The following FRAS1 variants were observed in gnomAD, a reference collection of about 807,000 sequenced individuals.
The protein encoded by FRAS1 is Fraser extracellular matrix complex subunit 1, also known as extracellular matrix organizing protein FRAS1.
FRAS1 carries 290 observed loss-of-function variants against 435.2 expected under a neutral mutation model. The ratio of observed to expected loss-of-function variants is 0.67; its 90% confidence interval spans 0.61 to 0.73. FRAS1 has a LOEUF of 0.73. Among genes scored for constraint, FRAS1 ranks in the 30% least tolerant of loss-of-function variants. The pLI is 0.00. For missense variants in FRAS1, 4,860 were observed against 5,001.5 expected (o/e 0.97, Z 0.85); for synonymous variants, 1,800 against 1,851.0 (o/e 0.97, Z 0.71).
At chr4:78,264,170 G>A (rs1726243014) in intron 6 of FRAS1, among the ~76,000 whole-genome samples, 2 of 152,192 alleles carry the variant, frequency 1.3e-5, no homozygotes, top group South Asian at 2.1e-4. Context: ...GAAGAAGGCT[G>A]TAGTGATAAG....
At chr4:78,519,757 GT>G (rs1721331639) in intron 67 of FRAS1, among the ~76,000 whole-genome samples, 1 of 152,156 alleles carries the variant, frequency 6.6e-6, no homozygotes, top group Admixed American at 6.5e-5. Context: ...ATTCAGATGG[GT>G]GTGTGTTCTT....
chr4:78,156,711 T>C (rs1483384325), intron 2 of FRAS1, among the ~76,000 whole-genome samples: 1 of 152,208 alleles, frequency 6.6e-6, no homozygotes, highest in African/African-American at 2.4e-5. Flanking sequence ...AATTGAATGA[T>C]TCTAAGTGTT....
chr4:78,066,984 T>C (rs1357264467), intron 2 of FRAS1, among the ~76,000 whole-genome samples: 1 of 152,202 alleles, frequency 6.6e-6, no homozygotes, highest in East Asian at 1.9e-4. Context: ...AAAAGCCATT[T>C]TTATTGTATT....
At position 78,491,604 on chromosome 4, in the gene FRAS1, C is replaced by A. The variant is rs566143972; in HGVS notation, c.8958+2524C>A. Reference sequence around the variant, plus strand: ...AAGGCCTTCGACAAACTTTAACAGCCCTTCATGATAAAAACTCTCAATAAA... The same window carrying A: ...AAGGCCTTCGACAAACTTTAACAGCACTTCATGATAAAAACTCTCAATAAA... On this transcript the variant is annotated intron_variant, in intron 59 of 73. Transcript: ENST00000512123. 2.6e-5 allele frequency among the ~76,000 whole-genome samples: 4 copies of A among 152,202 alleles called. No homozygotes were observed. In the South Asian group the frequency reaches 8.3e-4, roughly 32 times the overall value.
At chr4:78,523,731 A>G (rs890239530) in intron 69 of FRAS1, among the ~76,000 whole-genome samples, 18 of 152,298 alleles carry the variant, frequency 1.2e-4, no homozygotes, top group South Asian at 1.0e-3. Context: ...AATAACCTTC[A>G]AGGACTGTGC....
chr4:78,275,200 A>T lies in FRAS1; in HGVS notation c.982-3455A>T, dbSNP rs567723214. 2.0e-5 allele frequency among the ~76,000 whole-genome samples: 3 copies of T among 152,192 alleles called. No homozygotes were observed. The East Asian group carries it at 5.8e-4, about 29-fold the overall frequency. ...TCCTCCATCCCTTTATTTTGAGACTATGTGTGTCTCTGCACATGAGATGGG... is the reference window on the plus strand; with the variant it reads ...TCCTCCATCCCTTTATTTTGAGACTTTGTGTGTCTCTGCACATGAGATGGG... On this transcript the variant is annotated intron_variant, in intron 9 of 73. Transcript: ENST00000512123.
In FRAS1 at chr4:78,363,889, G is replaced by A. The variant is rs774240411; in HGVS notation, c.2576-19G>A. 2.5e-6 allele frequency: 4 copies of A among 1,598,094 alleles called. No individual in the cohort carries two copies. The highest frequency in any genetic ancestry group is 2.3e-5 in the South Asian group (2 of 88,510). Reference sequence around the variant, plus strand: ...AATCTGACATCATGGTTTCTGTTGTGTCTCTTTTTCCTCTGCAGAATGCCA... The same window carrying A: ...AATCTGACATCATGGTTTCTGTTGTATCTCTTTTTCCTCTGCAGAATGCCA... On this transcript the variant is annotated intron_variant, in intron 21 of 73. Coordinates refer to ENST00000512123, the MANE Select transcript of FRAS1 (RefSeq NM_025074.7).
intron 30 of FRAS1, among the ~76,000 whole-genome samples, chr4:78,402,699 C>T (rs1403700536): frequency 7.2e-6 from 1 of 139,636 alleles, no homozygotes; most frequent in Non-Finnish European, 1.5e-5. Flanking sequence ...CAAATTTTGC[C>T]AGTTTTCCCA....
chr4:78,147,325 A>G (rs1720459371), intron 2 of FRAS1, among the ~76,000 whole-genome samples: 1 of 152,176 alleles, frequency 6.6e-6, no homozygotes, highest in Non-Finnish European at 1.5e-5. Context: ...ATGAACAGTT[A>G]CGGAGCTGAG....
At chr4:78,481,733 AT>A in intron 56 of FRAS1, 70 bp from the exon 57 acceptor site, 3 of 1,551,830 alleles carry the variant, frequency 1.9e-6, no homozygotes, top group Middle Eastern at 1.7e-4. Context: ...GAGGGAGAAC[AT>A]CATTCTGAAA....
At position 78,076,194 on chromosome 4, in the gene FRAS1, AAG is replaced by A. The variant is rs1381519284; in HGVS notation, c.108+10184_108+10185del. Among the ~76,000 whole-genome samples the A allele has an allele frequency of 3.3e-5, 5 of 152,176 alleles. No homozygotes were observed. In the East Asian group the frequency reaches 9.7e-4, roughly 29 times the overall value. ...CATGTAAGTGATCATCTTCTTGAAAAAGAGAGATCAATTTGCAGACATATTCC... is the reference window on the plus strand; with the variant it reads ...CATGTAAGTGATCATCTTCTTGAAAAAGAGATCAATTTGCAGACATATTCC... On this transcript the variant is annotated intron_variant, in intron 2 of 73. Coordinates refer to ENST00000512123, the MANE Select transcript of FRAS1 (RefSeq NM_025074.7).
chr4:78,077,156 A>T (rs1051529199), intron 2 of FRAS1, among the ~76,000 whole-genome samples: 1 of 151,802 alleles, frequency 6.6e-6, no homozygotes, highest in African/African-American at 2.4e-5. Flanking sequence ...TTCAAGACCA[A>T]CTTGGTTAAC....
intron 20 of FRAS1, among the ~76,000 whole-genome samples, chr4:78,356,161 T>A (rs372142101): frequency 1.7e-3 from 253 of 152,234 alleles, no homozygotes; most frequent in African/African-American, 5.8e-3. Flanking sequence ...GGTAGTTCTG[T>A]CTCTTTATTA....
At chr4:78,148,851 T>C (rs1027938263) in intron 2 of FRAS1, among the ~76,000 whole-genome samples, 2 of 152,208 alleles carry the variant, frequency 1.3e-5, no homozygotes, top group African/African-American at 4.8e-5. Flanking sequence ...CTGAAAGTAC[T>C]GTGAAGTTGC....
At chr4:78,303,862 A>C (rs77606917) in intron 14 of FRAS1, among the ~76,000 whole-genome samples, 1 of 145,830 alleles carries the variant, frequency 6.9e-6, no homozygotes, top group East Asian at 2.0e-4. Context: ...TCTCCTGCCT[A>C]ATTGCCCTGG....
intron 26 of FRAS1, among the ~76,000 whole-genome samples, chr4:78,376,690 C>T (rs1219400002): frequency 6.6e-6 from 1 of 152,008 alleles, no homozygotes; most frequent in Non-Finnish European, 1.5e-5. Flanking sequence ...CCCGTTTGCC[C>T]TTAAAAATAT....
chr4:78,511,603 A>T (rs1267540395), intron 64 of FRAS1, 97 bp downstream of exon 64: 1 of 939,430 alleles, frequency 1.1e-6, no homozygotes, highest in African/African-American at 1.6e-5. Flanking sequence ...ATGCTTCTGC[A>T]TGATAAAAAT....
chr4:78,342,237 T>C (rs975808406), intron 20 of FRAS1, among the ~76,000 whole-genome samples: 6 of 152,174 alleles, frequency 3.9e-5, no homozygotes, highest in African/African-American at 1.4e-4. Context: ...TCTATTTGAC[T>C]TGGAGACCTC....
At chr4:78,128,973 G>T (rs1430039211) in intron 2 of FRAS1, among the ~76,000 whole-genome samples, 1 of 152,136 alleles carries the variant, frequency 6.6e-6, no homozygotes, top group Admixed American at 6.5e-5. Context: ...TTCTCCATAT[G>T]GCTAGCCAGT....
Sources: allele counts gnomAD v4.1 joint callset (sites outside exome capture counted in the v4.1 genomes callset), GRCh38; gene constraint gnomAD v4.1.1; transcripts MANE v1.5; gene names NCBI Gene and HGNC (gene_info 2026-07-23, HGNC 2026-07-21).